Variants in AGO2 observed in about 807,000 individuals in gnomAD.
AGO2 encodes the protein protein argonaute-2.
In AGO2, 5 loss-of-function variants were observed where a neutral mutation model predicts 102.3. That is an observed-to-expected ratio of 0.05 (90% CI 0.03 to 0.10). The LOEUF (loss-of-function observed/expected upper bound fraction) is 0.10. AGO2 is among the 10% of genes least tolerant of loss of function. The pLI, the probability that AGO2 is intolerant of heterozygous loss-of-function variation, is 1.00. For synonymous variants in AGO2, 449 were observed against 473.1 expected, an observed-to-expected ratio of 0.95 and a Z score of 0.66; for missense variants, 541 against 1,183.7, an observed-to-expected ratio of 0.46 and a Z score of 7.97.
intron 1 of AGO2, among the ~76,000 whole-genome samples, chr8:140,585,653 C>T (rs2073644680): frequency 6.6e-6 from 1 of 152,166 alleles, no homozygotes. Context: ...CTGCTTAAAC[C>T]GCTCGTTTAC....
At chr8:140,549,831 T>G (rs916096386) in intron 11 of AGO2, among the ~76,000 whole-genome samples, 1 of 151,972 alleles carries the variant, frequency 6.6e-6, no homozygotes, top group African/African-American at 2.4e-5. Flanking sequence ...GCCTGAGGAG[T>G]GGCAGCAGCT....
chr8:140,612,308 C>G (rs1046267894), intron 1 of AGO2, among the ~76,000 whole-genome samples: 1 of 148,114 alleles, frequency 6.8e-6, no homozygotes, highest in South Asian at 2.2e-4. Flanking sequence ...TTTTGATGAT[C>G]TGTGTGATTA....
At chr8:140,621,318 G>A (rs918004334) in intron 1 of AGO2, among the ~76,000 whole-genome samples, 12 of 152,114 alleles carry the variant, frequency 7.9e-5, no homozygotes, top group Non-Finnish European at 1.5e-4. Context: ...CCTCCTACTG[G>A]ACCAAGCACT....
At chr8:140,618,865 A>G (rs2074178144) in intron 1 of AGO2, among the ~76,000 whole-genome samples, 1 of 151,846 alleles carries the variant, frequency 6.6e-6, no homozygotes. Flanking sequence ...GTAATATTAC[A>G]GGTGGTTTTT....
intron 17 of AGO2, among the ~76,000 whole-genome samples, chr8:140,533,818 C>A (rs998191510): frequency 2.6e-5 from 4 of 151,450 alleles, no homozygotes; most frequent in South Asian, 2.1e-4. Context: ...AAAAAAAAAA[C>A]AACAACAAAA....
chr8:140,619,444 G>A (rs912480092), intron 1 of AGO2, among the ~76,000 whole-genome samples: 1 of 152,202 alleles, frequency 6.6e-6, no homozygotes, highest in African/African-American at 2.4e-5. Context: ...CCAGAGGCAC[G>A]GCTCAGACCA....
At chr8:140,550,026 T>C (rs981481848) in intron 11 of AGO2, among the ~76,000 whole-genome samples, 6 of 152,204 alleles carry the variant, frequency 3.9e-5, no homozygotes, top group Non-Finnish European at 7.3e-5. Context: ...TGTCCACCCA[T>C]ATCTTCAGCT....
At chr8:140,616,970 G>A (rs1194403462) in intron 1 of AGO2, among the ~76,000 whole-genome samples, 4 of 152,170 alleles carry the variant, frequency 2.6e-5, no homozygotes, top group Non-Finnish European at 2.9e-5. Context: ...CCACCCCCGC[G>A]CACCCTCCAC....
intron 10 of AGO2, among the ~76,000 whole-genome samples, chr8:140,553,624 G>T (rs1279538150): frequency 6.6e-6 from 1 of 151,814 alleles, no homozygotes; most frequent in East Asian, 1.9e-4. Flanking sequence ...GGTCAGGCTG[G>T]TCTCGAATTC....
rs55637374 is a variant in AGO2 at position 140,610,028 on chromosome 8, T to TAAAA, written c.23-24721_23-24718dup. Reference sequence around the variant, plus strand: ...GGGAAATACAGCAAGACCTTGACTCTAAAAAAAAAAAAAAAAAAAAAAAAA... The same window carrying TAAAA: ...GGGAAATACAGCAAGACCTTGACTCTAAAAAAAAAAAAAAAAAAAAAAAAAAAAA... On this transcript the variant is annotated intron_variant, in intron 1 of 18. Transcript: ENST00000220592. Among the ~76,000 whole-genome samples, 27 of 126,564 alleles carry TAAAA rather than the reference T, an allele frequency of 2.1e-4. No individual in the cohort carries two copies. The East Asian group carries it at 6.5e-3, about 30-fold the overall frequency. 83.0% of individuals were successfully genotyped at this position (126,564 alleles called of 152,430 possible).
intron 2 of AGO2, among the ~76,000 whole-genome samples, chr8:140,583,528 G>A (rs12548676): frequency 0.014 from 2,192 of 152,254 alleles, 32 homozygotes; most frequent in Middle Eastern, 0.041. Context: ...TACAGCACAC[G>A]ACTGCTGAAC....
chr8:140,640,519 G>A (rs1470673625), upstream of AGO2, among the ~76,000 whole-genome samples: 1 of 151,760 alleles, frequency 6.6e-6, no homozygotes, highest in Non-Finnish European at 1.5e-5. Flanking sequence ...GAGGACAGCT[G>A]GTGTTTCTTT....
At chr8:140,632,894 A>G (rs1490107180) in intron 1 of AGO2, among the ~76,000 whole-genome samples, 2 of 151,674 alleles carry the variant, frequency 1.3e-5, no homozygotes, top group Non-Finnish European at 2.9e-5. Context: ...AACTATTTGT[A>G]ATTTTTCTTT....
intron 1 of AGO2, among the ~76,000 whole-genome samples, chr8:140,593,712 A>G (rs1233271657): frequency 2.0e-5 from 3 of 152,036 alleles, no homozygotes; most frequent in Non-Finnish European, 4.4e-5. Context: ...GTCAGGTACA[A>G]TGCAGACCCC....
intron 1 of AGO2, among the ~76,000 whole-genome samples, chr8:140,604,111 T>A (rs2073963793): frequency 1.3e-5 from 2 of 152,172 alleles, no homozygotes; most frequent in Admixed American, 1.3e-4. Context: ...CCCCGGAGGC[T>A]CAGACACAGT....
At chr8:140,621,795 T>C (rs897737635) in intron 1 of AGO2, among the ~76,000 whole-genome samples, 2 of 152,112 alleles carry the variant, frequency 1.3e-5, no homozygotes, top group African/African-American at 2.4e-5. Flanking sequence ...TAGTAACAAG[T>C]GTTGATGAGG....
chr8:140,534,335 G>A (rs1051193147), intron 17 of AGO2, among the ~76,000 whole-genome samples: 4 of 152,256 alleles, frequency 2.6e-5, no homozygotes, highest in African/African-American at 9.6e-5. Context: ...ACATGCCCAG[G>A]AGGCCCTGGT....
intron 1 of AGO2, among the ~76,000 whole-genome samples, chr8:140,612,524 G>A (rs1017315638): frequency 6.6e-6 from 1 of 152,174 alleles, no homozygotes; most frequent in African/African-American, 2.4e-5. Context: ...TCAGCACTTT[G>A]GGAGGCTGAG....
chr8:140,632,360 A>C (rs1227733887), intron 1 of AGO2, among the ~76,000 whole-genome samples: 1 of 152,244 alleles, frequency 6.6e-6, no homozygotes, highest in Non-Finnish European at 1.5e-5. Context: ...GATGGGCACC[A>C]GTATTGGGAG....
Sources: gnomAD v4.1 joint callset for allele counts (sites outside exome capture counted in the v4.1 genomes callset) on GRCh38, gnomAD v4.1.1 for gene constraint, MANE v1.5 for transcripts, NCBI Gene and HGNC (gene_info 2026-07-23, HGNC 2026-07-21) for gene names.